The following MED6 variants were observed in gnomAD, a reference collection of about 807,000 sequenced individuals.
MED6 encodes mediator of RNA polymerase II transcription subunit 6.
In MED6, 33 loss-of-function variants were observed where a neutral mutation model predicts 37.5. That is an observed-to-expected ratio of 0.88 (90% CI 0.67 to 1.18). The LOEUF (loss-of-function observed/expected upper bound fraction) is 1.18. MED6 is among the 50% of genes most tolerant of loss of function. The pLI is 0.00. For synonymous variants in MED6, 94 were observed against 93.6 expected, an observed-to-expected ratio of 1.00 and a Z score of -0.02; for missense variants, 235 against 290.6, an observed-to-expected ratio of 0.81 and a Z score of 1.39.
chr14:70,586,313 T>C (rs1005477098), intron 6 of MED6, among the ~76,000 whole-genome samples: 2 of 152,198 alleles, frequency 1.3e-5, no homozygotes, highest in African/African-American at 4.8e-5. Context: ...ATAAGAGCAT[T>C]AGAGGTTAGA....
chr14:70,591,176 G>T, intron 6 of MED6, 90 bp downstream of exon 6: 1 of 999,326 alleles, frequency 1.0e-6, no homozygotes, highest in Non-Finnish European at 1.5e-6. Context: ...TGTACTTTTA[G>T]GTCACATCTG....
At chr14:70,585,808 G>C (rs771507317) in intron 6 of MED6, 25 bp from the exon 7 acceptor site, 2 of 1,597,476 alleles carry the variant, frequency 1.3e-6, no homozygotes, top group East Asian at 4.5e-5. Context: ...AAAAAAGGGA[G>C]GGAGAGGAAG....
At chr14:70,587,733 C>A (rs1325589885) in intron 6 of MED6, among the ~76,000 whole-genome samples, 8 of 152,188 alleles carry the variant, frequency 5.3e-5, no homozygotes, top group South Asian at 4.1e-4. Context: ...CAAATTTAAT[C>A]AGGTGGCTTT....
chr14:70,593,437 A>G, intron 3 of MED6, 59 bp from the exon 4 acceptor site: 5 of 1,259,278 alleles, frequency 4.0e-6, no homozygotes, highest in Non-Finnish European at 5.7e-6. Context: ...TGCTAAACAG[A>G]TTCTCATAAA....
intron 5 of MED6, chr14:70,591,844 A>T (rs1884879811): frequency 1.3e-5 from 2 of 152,368 alleles, no homozygotes; most frequent in African/African-American, 4.8e-5. Flanking sequence ...TTCACTAAAA[A>T]AAAATAATAA....
intron 3 of MED6, 136 bp from the exon 4 acceptor site, chr14:70,593,514 C>T: frequency 1.6e-6 from 1 of 638,646 alleles, no homozygotes; most frequent in Non-Finnish European, 2.7e-6. Flanking sequence ...TAAAGCTGTA[C>T]TAGAAAACAG....
intron 5 of MED6, 66 bp downstream of exon 5, chr14:70,592,814 A>G (rs567715998): frequency 2.6e-6 from 4 of 1,558,734 alleles, no homozygotes; most frequent in Non-Finnish European, 3.5e-6. Flanking sequence ...CCATTTTCCT[A>G]AAGAAAACAG....
At chr14:70,595,017 G>A in intron 3 of MED6, 1 of 572,278 alleles carries the variant, frequency 1.7e-6, no homozygotes, top group Non-Finnish European at 3.5e-6. Context: ...TTGTTCTGCA[G>A]ATCGACAATG....
rs1884624057 is a variant in MED6 at position 70,584,031 on chromosome 14, C to T, written c.*782G>A. 2.0e-6 allele frequency: 1 copy of T among 492,548 alleles called. No individual in the cohort carries two copies. Among genetic ancestry groups the T allele is most frequent in the Admixed American group, 3.5e-5 (1 of 28,852 alleles). 30.5% of individuals were successfully genotyped at this position (492,548 alleles called of 1,614,324 possible). ...AAGATTAAAATTCACAACACTGTTA[C>T]AGTATTTATAGGGTAATGGTATTGG... is the stretch of plus-strand genomic sequence containing the variant. On this transcript the variant is annotated 3_prime_UTR_variant, in exon 8 of 8. Coordinates refer to ENST00000256379, the MANE Select transcript of MED6 (RefSeq NM_005466.4).
chr14:70,584,536 C>T lies in MED6; in HGVS notation c.*277G>A, dbSNP rs937509620. 8 of 318,206 alleles carry T rather than the reference C, an allele frequency of 2.5e-5. No homozygotes were observed. The highest frequency in any genetic ancestry group is 5.2e-5 in the South Asian group (1 of 19,256). 19.7% of individuals were successfully genotyped at this position (318,206 alleles called of 1,614,324 possible). ...GACTATGGGCGCCCGCCACCACGCC[C>T]GGCTAATTTTTGTATTTTTAGTAGA... On this transcript the variant is annotated 3_prime_UTR_variant, in exon 8 of 8. Coordinates refer to ENST00000256379, the MANE Select transcript of MED6 (RefSeq NM_005466.4).
At chr14:70,600,148 C>G (rs951126758) in intron 1 of MED6, among the ~76,000 whole-genome samples, 3 of 151,834 alleles carry the variant, frequency 2.0e-5, no homozygotes, top group African/African-American at 7.3e-5. Flanking sequence ...AAAGTATTAT[C>G]GACTCAAAAA....
At position 70,594,611 on chromosome 14, in the gene MED6, G is replaced by A. The variant is rs1249525045; in HGVS notation, c.275-1233C>T. 3.9e-5 allele frequency: 16 copies of A among 414,436 alleles called. No homozygotes were observed. In the East Asian group the frequency reaches 4.0e-4, roughly 10 times the overall value. The allele number at this position is 414,436 out of a possible 1,614,324, so 25.7% of individuals were successfully genotyped here. On this transcript the variant is annotated intron_variant, in intron 3 of 7. Coordinates refer to ENST00000256379, the MANE Select transcript of MED6 (RefSeq NM_005466.4). ...ACTGGTCCCTGGGCTCCATCCAGGCGCCCAGCTGCGGCACCCAGCCAGTCA... is the reference window on the plus strand; with the variant it reads ...ACTGGTCCCTGGGCTCCATCCAGGCACCCAGCTGCGGCACCCAGCCAGTCA...
intron 4 of MED6, 40 bp from the exon 5 acceptor site, chr14:70,593,028 C>G (rs373994287): frequency 6.2e-7 from 1 of 1,609,338 alleles, no homozygotes. Flanking sequence ...ATCATTAGGT[C>G]GACCAAACTT....
intron 5 of MED6, among the ~76,000 whole-genome samples, chr14:70,592,012 G>A (rs1047176320): frequency 4.2e-4 from 64 of 152,260 alleles, no homozygotes; most frequent in African/African-American, 1.5e-3. Context: ...GGTTATCGTA[G>A]GGGAAAAGAG....
At chr14:70,588,737 AATAATT>A (rs1884787790) in intron 6 of MED6, among the ~76,000 whole-genome samples, 2 of 127,480 alleles carry the variant, frequency 1.6e-5, no homozygotes, top group South Asian at 2.4e-4. Context: ...TAATAATAAT[AATAATT>A]GGGAGGAAGT....
intron 6 of MED6, among the ~76,000 whole-genome samples, chr14:70,590,465 C>G (rs1595049081): frequency 6.6e-6 from 1 of 152,184 alleles, no homozygotes; most frequent in Non-Finnish European, 1.5e-5. Context: ...TCTCTCACTA[C>G]AGCAGAGTCA....
chr14:70,587,442 G>A (rs1884743578), intron 6 of MED6, among the ~76,000 whole-genome samples: 2 of 152,102 alleles, frequency 1.3e-5, no homozygotes, highest in African/African-American at 4.8e-5. Flanking sequence ...TACTTAACAT[G>A]TCCAAAGTAA....
intron 6 of MED6, 52 bp downstream of exon 6, chr14:70,591,214 A>T: frequency 7.7e-7 from 1 of 1,299,914 alleles, no homozygotes; most frequent in Non-Finnish European, 1.1e-6. Context: ...AAATTAATAT[A>T]TATGCCATAA....
chr14:70,589,798 AAC>A (rs1227965264), intron 6 of MED6, among the ~76,000 whole-genome samples: 2 of 152,162 alleles, frequency 1.3e-5, no homozygotes, highest in Non-Finnish European at 2.9e-5. Flanking sequence ...CCCCTCCACA[AAC>A]ACAGAGTAAA....
Sources: allele counts gnomAD v4.1 joint callset (sites outside exome capture counted in the v4.1 genomes callset), GRCh38; gene constraint gnomAD v4.1.1; transcripts MANE v1.5; gene names NCBI Gene and HGNC (gene_info 2026-07-23, HGNC 2026-07-21).